Variants in ANKRD6 observed in about 807,000 individuals in gnomAD.
ANKRD6 encodes ankyrin repeat domain-containing protein 6.
Under a neutral mutation model 82.3 loss-of-function variants are expected in ANKRD6, and 56 were observed. That is an observed-to-expected ratio of 0.68 (90% CI 0.55 to 0.85). The LOEUF is 0.85. Ranked by LOEUF, ANKRD6 falls within the 40% of genes least tolerant of loss-of-function variation. The pLI, the probability that ANKRD6 is intolerant of heterozygous loss-of-function variation, is 0.00. For synonymous variants in ANKRD6, 347 were observed against 352.1 expected, an observed-to-expected ratio of 0.99 and a Z score of 0.16; for missense variants, 852 against 907.6, an observed-to-expected ratio of 0.94 and a Z score of 0.79.
At chr6:89,629,668 A>G (rs549987738) in intron 15 of ANKRD6, among the ~76,000 whole-genome samples, 1 of 152,324 alleles carries the variant, frequency 6.6e-6, no homozygotes, top group Admixed American at 6.5e-5. Context: ...ATTAAACAGC[A>G]GTTCTTACAT....
chr6:89,588,506 A>G (rs1462342214), intron 2 of ANKRD6, among the ~76,000 whole-genome samples: 2 of 152,180 alleles, frequency 1.3e-5, no homozygotes, highest in East Asian at 3.9e-4. Context: ...AATTCTTCCC[A>G]TTACACCATT....
At position 89,578,286 on chromosome 6, in the gene ANKRD6, CTTTTTTT is replaced by C. The variant is rs71024383; in HGVS notation, c.120+11210_120+11216del. 2.0e-4 allele frequency among the ~76,000 whole-genome samples: 24 copies of C among 119,098 alleles called. 3 individuals are homozygous for C. Among genetic ancestry groups the C allele is most frequent in the Non-Finnish European group, 2.1e-4 (12 of 58,470 alleles). 78.1% of individuals were successfully genotyped at this position (119,098 alleles called of 152,430 possible). ...ATTAGCTTTTTCCCCCTCCCGCCTC[CTTTTTTT>C]TTTTTTTTTTTTTTTTTTTGGAAAC... On this transcript the variant is annotated intron_variant, in intron 2 of 15. Coordinates refer to ENST00000339746, the MANE Select transcript of ANKRD6 (RefSeq NM_001242809.2).
intron 1 of ANKRD6, among the ~76,000 whole-genome samples, chr6:89,452,265 T>C (rs1024419336): frequency 2.0e-5 from 3 of 152,212 alleles, no homozygotes; most frequent in Admixed American, 1.3e-4. Context: ...TTACGTAAAG[T>C]TGTTCTTCTT....
In ANKRD6 at chr6:89,473,646, C is replaced by T. The variant is rs1274853142; in HGVS notation, c.-144+40271C>T. 2.0e-5 allele frequency among the ~76,000 whole-genome samples: 3 copies of T among 152,118 alleles called. No individual in the cohort carries two copies. In the South Asian group the frequency reaches 6.2e-4, roughly 32 times the overall value. The stretch of plus-strand genomic sequence containing the variant: ...TTTTTCTAAACATTGTTTTCAGGCA[C>T]TGTTAGTCCAGTTAATGGTGAGAGT... On this transcript the variant is annotated intron_variant, in intron 1 of 15. Coordinates refer to ENST00000339746, the MANE Select transcript of ANKRD6 (RefSeq NM_001242809.2).
chr6:89,524,079 A>G (rs777427000), intron 1 of ANKRD6, among the ~76,000 whole-genome samples: 1 of 152,164 alleles, frequency 6.6e-6, no homozygotes, highest in Non-Finnish European at 1.5e-5. Flanking sequence ...CAGGAAAGGA[A>G]AGGGCCATCA....
intron 1 of ANKRD6, among the ~76,000 whole-genome samples, chr6:89,537,037 T>C (rs1783923129): frequency 1.3e-5 from 2 of 152,128 alleles, no homozygotes; most frequent in Admixed American, 1.3e-4. Context: ...TACGAAAATA[T>C]ACATGCACAG....
At chr6:89,531,139 T>C (rs1783091398) in intron 1 of ANKRD6, among the ~76,000 whole-genome samples, 1 of 152,234 alleles carries the variant, frequency 6.6e-6, no homozygotes, top group African/African-American at 2.4e-5. Context: ...GCTCGGGGCC[T>C]GTGAGCATGC....
At position 89,477,639 on chromosome 6, in the gene ANKRD6, C is replaced by T. The variant is rs140932232; in HGVS notation, c.-144+44264C>T. On this transcript the variant is annotated intron_variant, in intron 1 of 15. Transcript: ENST00000339746. ...ACAAAAAATTAGCCAGGCGTGGTGG[C>T]GGGTGCCTGTAGTCCCAGCTACTCG... Among the ~76,000 whole-genome samples, 832 of 151,674 alleles carry T rather than the reference C, an allele frequency of 5.5e-3. 24 individuals are homozygous for T. The highest frequency in any genetic ancestry group is 0.044 in the Admixed American group (670 of 15,246).
intron 1 of ANKRD6, among the ~76,000 whole-genome samples, chr6:89,472,401 G>A (rs75800832): frequency 0.065 from 9,885 of 152,234 alleles, 353 homozygotes; most frequent in South Asian, 0.14. Flanking sequence ...TTTGGGATAT[G>A]TAATATATAC....
intron 1 of ANKRD6, among the ~76,000 whole-genome samples, chr6:89,449,688 GCT>G (rs1772573847): frequency 1.3e-5 from 2 of 152,112 alleles, no homozygotes; most frequent in Non-Finnish European, 2.9e-5. Context: ...AAACCAATGA[GCT>G]CTGTTTTCAA....
At chr6:89,565,302 T>C (rs549522654) in intron 1 of ANKRD6, 19 of 152,356 alleles carry the variant, frequency 1.2e-4, no homozygotes, top group African/African-American at 4.1e-4. Context: ...AATGACCCAG[T>C]GAGCAGGAGC....
At chr6:89,481,613 G>A (rs1490457872) in intron 1 of ANKRD6, among the ~76,000 whole-genome samples, 1 of 152,222 alleles carries the variant, frequency 6.6e-6, no homozygotes, top group African/African-American at 2.4e-5. Context: ...TAGAAAAAGA[G>A]GAATGTTGAT....
At chr6:89,628,826 G>T in intron 14 of ANKRD6, 1 of 360,896 alleles carries the variant, frequency 2.8e-6, no homozygotes, top group African/African-American at 2.1e-5. Context: ...CTTACTAACC[G>T]TGAGGATGGT....
rs560424198 is a variant in ANKRD6 at position 89,566,961 on chromosome 6, C to T, written c.-16C>T. On this transcript the variant is annotated 5_prime_UTR_variant, in exon 2 of 16. Transcript: ENST00000339746. ...ACTTGTCTACCGCTTCCCTGAAAAC[C>T]TTTCTTTCCTAATTCATGAGCCAGC... 3 of 1,570,248 alleles carry T rather than the reference C, an allele frequency of 1.9e-6. No individual in the cohort carries two copies. The highest frequency in any genetic ancestry group is 1.3e-5 in the African/African-American group (1 of 74,146).
chr6:89,462,797 G>C (rs1322979633), intron 1 of ANKRD6, among the ~76,000 whole-genome samples: 1 of 151,532 alleles, frequency 6.6e-6, no homozygotes, highest in Non-Finnish European at 1.5e-5. Context: ...TTTATTTTTA[G>C]AGATGTTTTT....
At chr6:89,442,374 A>G (rs1771506573) in intron 1 of ANKRD6, among the ~76,000 whole-genome samples, 1 of 152,042 alleles carries the variant, frequency 6.6e-6, no homozygotes. Flanking sequence ...CTATAGTCCC[A>G]GCACTTTGGG....
chr6:89,633,131 CAGA>C lies in ANKRD6; in HGVS notation c.*2132_*2134del, dbSNP rs1424104402. ...GTCAAAAGTCACAGGGAAGAGACTACAGAAGAATGAGAAGGGTCAAAAGGACCT... is the reference window on the plus strand; with the variant it reads ...GTCAAAAGTCACAGGGAAGAGACTACAGAATGAGAAGGGTCAAAAGGACCT... On this transcript the variant is annotated 3_prime_UTR_variant, in exon 16 of 16. Coordinates refer to ENST00000339746, the MANE Select transcript of ANKRD6 (RefSeq NM_001242809.2). 1 of 152,040 alleles carries C rather than the reference CAGA, an allele frequency of 6.6e-6. No homozygotes were observed. The highest frequency in any genetic ancestry group is 1.5e-5 in the Non-Finnish European group (1 of 68,006). 9.4% of individuals were successfully genotyped at this position (152,040 alleles called of 1,614,324 possible).
chr6:89,611,878 G>T (rs1800328480), intron 5 of ANKRD6, among the ~76,000 whole-genome samples: 1 of 152,256 alleles, frequency 6.6e-6, no homozygotes, highest in Admixed American at 6.5e-5. Context: ...TCATCTGATA[G>T]GAATTGAGTA....
chr6:89,496,181 C>G (rs895455523), intron 1 of ANKRD6, among the ~76,000 whole-genome samples: 1 of 151,564 alleles, frequency 6.6e-6, no homozygotes, highest in Non-Finnish European at 1.5e-5. Flanking sequence ...ACACTGCCCC[C>G]CCCCCCACCA....
Sources: allele counts gnomAD v4.1 joint callset (sites outside exome capture counted in the v4.1 genomes callset), GRCh38; gene constraint gnomAD v4.1.1; transcripts MANE v1.5; gene names NCBI Gene and HGNC (gene_info 2026-07-23, HGNC 2026-07-21).